The following HHAT variants were observed in gnomAD, a reference collection of about 807,000 sequenced individuals.
HHAT encodes the protein hedgehog acyltransferase, also known as protein-cysteine N-palmitoyltransferase HHAT.
A neutral mutation model predicts 70.8 loss-of-function variants in HHAT; 47 were observed. The observed-to-expected ratio is 0.66, with a 90% CI of 0.53 to 0.85. The LOEUF (loss-of-function observed/expected upper bound fraction) is 0.85, where lower values mean the gene tolerates loss of function less well. Among genes scored for constraint, HHAT ranks in the 40% least tolerant of loss-of-function variants. The pLI, the probability that HHAT is intolerant of heterozygous loss-of-function variation, is 0.00. For synonymous variants in HHAT, 228 were observed against 247.6 expected, an observed-to-expected ratio of 0.92 and a Z score of 0.74; for missense variants, 609 against 604.8, an observed-to-expected ratio of 1.01 and a Z score of -0.07.
intron 10 of HHAT, among the ~76,000 whole-genome samples, chr1:210,621,039 T>C (rs1668717092): frequency 6.6e-6 from 1 of 152,096 alleles, no homozygotes; most frequent in African/African-American, 2.4e-5. Context: ...ATACACGCTG[T>C]CTGTTCTTAC....
chr1:210,633,049 C>T lies in HHAT; in HGVS notation c.1390+9379C>T, dbSNP rs188614928. Among the ~76,000 whole-genome samples the T allele has an allele frequency of 1.4e-4, 22 of 152,266 alleles. No homozygotes were observed. In the East Asian group the frequency reaches 2.5e-3, roughly 17 times the overall value. ...TCCTTGATTTCAGATTTCTAGCCTC[C>T]GTAACAAACAGACACTAAATTTCTG... On this transcript the variant is annotated intron_variant, in intron 11 of 11. Coordinates refer to ENST00000261458, the MANE Select transcript of HHAT (RefSeq NM_018194.6).
At chr1:210,667,632 C>T (rs946145083) in intron 11 of HHAT, among the ~76,000 whole-genome samples, 1 of 152,118 alleles carries the variant, frequency 6.6e-6, no homozygotes, top group Non-Finnish European at 1.5e-5. Context: ...TGAAATCAGT[C>T]TCACAATCAA....
intron 1 of HHAT, among the ~76,000 whole-genome samples, chr1:210,330,055 A>G (rs1274019422): frequency 6.6e-6 from 1 of 152,174 alleles, no homozygotes; most frequent in South Asian, 2.1e-4. Flanking sequence ...CATCTCATTC[A>G]TTCTCAGAGC....
intron 9 of HHAT, among the ~76,000 whole-genome samples, chr1:210,552,862 C>A (rs1007428684): frequency 1.3e-5 from 2 of 152,202 alleles, no homozygotes; most frequent in African/African-American, 4.8e-5. Context: ...TTTCTACCCT[C>A]ACAGAATGAT....
chr1:210,635,611 G>A (rs1300098491), intron 11 of HHAT, among the ~76,000 whole-genome samples: 2 of 152,156 alleles, frequency 1.3e-5, no homozygotes, highest in East Asian at 3.9e-4. Flanking sequence ...TTCTCCCAGG[G>A]AGAATTTTAG....
chr1:210,374,265 T>A (rs955679582), intron 3 of HHAT: 3 of 126,300 alleles, frequency 2.4e-5, no homozygotes, highest in Non-Finnish European at 4.9e-5. Flanking sequence ...GAGAAACCAG[T>A]GTAATGCTAC....
chr1:210,593,592 T>TG (rs1452954164), intron 10 of HHAT, among the ~76,000 whole-genome samples: 1 of 152,166 alleles, frequency 6.6e-6, no homozygotes, highest in East Asian at 1.9e-4. Flanking sequence ...GCCTAACATA[T>TG]GGTCTATCCT....
At chr1:210,661,722 TA>T (rs1459043814) in intron 11 of HHAT, among the ~76,000 whole-genome samples, 2 of 152,136 alleles carry the variant, frequency 1.3e-5, no homozygotes, top group Non-Finnish European at 2.9e-5. Context: ...TATGCAGCCA[TA>T]AAAAAGGATG....
chr1:210,352,230 T>C (rs1473497610), intron 2 of HHAT, among the ~76,000 whole-genome samples: 2 of 152,226 alleles, frequency 1.3e-5, no homozygotes, highest in Admixed American at 6.5e-5. Context: ...CTGAAGCTTC[T>C]TTAATCCTTA....
intron 8 of HHAT, among the ~76,000 whole-genome samples, chr1:210,475,695 C>T (rs920132890): frequency 1.3e-5 from 2 of 152,080 alleles, no homozygotes; most frequent in African/African-American, 2.4e-5. Context: ...ACATATTCTT[C>T]TTTAGGGAAG....
chr1:210,632,035 C>T lies in HHAT; in HGVS notation c.1390+8365C>T, dbSNP rs574605339. On this transcript the variant is annotated intron_variant, in intron 11 of 11. Coordinates refer to ENST00000261458, the MANE Select transcript of HHAT (RefSeq NM_018194.6). ...ACCTGTCAATTGGGCCTAGTTGGGC[C>T]ATTTTTCTCTGTACTAACCTAACTC... is the stretch of plus-strand genomic sequence containing the variant. Among the ~76,000 whole-genome samples the T allele has an allele frequency of 1.0e-3, 159 of 152,272 alleles. 1 individual carries two copies. The Middle Eastern group carries it at 0.014, about 13-fold the overall frequency.
intron 10 of HHAT, among the ~76,000 whole-genome samples, chr1:210,599,780 A>G (rs972055035): frequency 2.0e-5 from 3 of 152,082 alleles, no homozygotes; most frequent in Non-Finnish European, 4.4e-5. Flanking sequence ...TCTCCATAAA[A>G]ACCTAACCAT....
rs10639399 is a variant in HHAT at position 210,496,010 on chromosome 1, C to CAAAAA, written c.1008-17127_1008-17123dup. Among the ~76,000 whole-genome samples the CAAAAA allele has an allele frequency of 9.8e-3, 666 of 67,908 alleles. 65 individuals are homozygous for CAAAAA. Among genetic ancestry groups the CAAAAA allele is most frequent in the African/African-American group, 0.042 (616 of 14,646 alleles). 44.6% of individuals were successfully genotyped at this position (67,908 alleles called of 152,430 possible). A position where few individuals can be genotyped will look rare whatever the true frequency, so the allele number is the denominator to read the frequency against. On this transcript the variant is annotated intron_variant, in intron 8 of 11. Transcript: ENST00000261458. ...TGGGCAACAGAGTCAAACTCTATCTCAAAAAAAAAAAAAAAAAAAAGAAAA... is the reference window on the plus strand; with the variant it reads ...TGGGCAACAGAGTCAAACTCTATCTCAAAAAAAAAAAAAAAAAAAAAAAAAGAAAA...
chr1:210,531,316 T>G (rs1474463228), intron 9 of HHAT, among the ~76,000 whole-genome samples: 1 of 152,248 alleles, frequency 6.6e-6, no homozygotes. Context: ...GTGTGTGTTA[T>G]AGAACAGTCT....
chr1:210,394,770 G>T (rs1256563828), intron 4 of HHAT, among the ~76,000 whole-genome samples: 1 of 152,100 alleles, frequency 6.6e-6, no homozygotes, highest in Non-Finnish European at 1.5e-5. Context: ...CAGGGAGCAG[G>T]GTTCTTTTCC....
At chr1:210,495,259 A>G (rs965949449) in intron 8 of HHAT, among the ~76,000 whole-genome samples, 1 of 150,770 alleles carries the variant, frequency 6.6e-6, no homozygotes, top group African/African-American at 2.4e-5. Context: ...CTTAATATAT[A>G]TTTTCCATAA....
intron 7 of HHAT, among the ~76,000 whole-genome samples, chr1:210,447,412 C>T (rs892223311): frequency 2.0e-5 from 3 of 152,048 alleles, no homozygotes; most frequent in Admixed American, 6.5e-5. Context: ...TATCAGTGCA[C>T]GATGGATTAG....
intron 2 of HHAT, among the ~76,000 whole-genome samples, chr1:210,350,304 G>C (rs993736132): frequency 1.3e-5 from 2 of 152,122 alleles, no homozygotes; most frequent in African/African-American, 4.8e-5. Flanking sequence ...TGGTACATTC[G>C]GACAATGGAA....
At chr1:210,432,674 A>G (rs1572400482) in intron 7 of HHAT, among the ~76,000 whole-genome samples, 1 of 151,802 alleles carries the variant, frequency 6.6e-6, no homozygotes, top group South Asian at 2.1e-4. Flanking sequence ...GCATCTTTTT[A>G]CCTTCTGGTG....
Sources: allele counts gnomAD v4.1 joint callset (sites outside exome capture counted in the v4.1 genomes callset), GRCh38; gene constraint gnomAD v4.1.1; transcripts MANE v1.5; gene names NCBI Gene and HGNC (gene_info 2026-07-23, HGNC 2026-07-21).